The following TF variants were observed in gnomAD, a reference collection of about 807,000 sequenced individuals.
The protein encoded by TF is serotransferrin.
In TF, 55 loss-of-function variants were observed where a neutral mutation model predicts 82.4. The ratio of observed to expected loss-of-function variants is 0.67; its 90% confidence interval spans 0.54 to 0.84. The LOEUF is 0.84. Among genes scored for constraint, TF ranks in the 40% least tolerant of loss-of-function variants. The pLI, the probability that TF is intolerant of heterozygous loss-of-function variation, is 0.00. For synonymous variants in TF, 332 were observed against 332.6 expected (o/e 1.00, Z 0.02); for missense variants, 737 against 868.4 (o/e 0.85, Z 1.90).
chr3:133,744,420 G>A (rs1933451791), upstream of TF, among the ~76,000 whole-genome samples: 2 of 152,226 alleles, frequency 1.3e-5, no homozygotes, highest in South Asian at 2.1e-4. Context: ...TGCATCAGCT[G>A]TATGTGTGCA....
At chr3:133,679,569 C>CTTTTTTTTTTT in the TF span, among the ~76,000 whole-genome samples, 33 of 75,382 alleles carry the variant, frequency 4.4e-4, no homozygotes, top group East Asian at 1.4e-3. Context: ...CTTTGTTTGG[C>CTTTTTTTTTTT]TTTTTTTTTT....
the TF span, among the ~76,000 whole-genome samples, chr3:133,682,741 C>A: frequency 3.9e-5 from 4 of 103,078 alleles, no homozygotes; most frequent in Non-Finnish European, 7.6e-5. Flanking sequence ...GATTGGTGTA[C>A]CTGAAAGTGA....
chr3:133,723,975 G>A, the TF span, among the ~76,000 whole-genome samples: 2 of 152,102 alleles, frequency 1.3e-5, no homozygotes, highest in East Asian at 3.8e-4. Flanking sequence ...TCCCTACAAA[G>A]GACATGAACT....
chr3:133,681,333 G>A, the TF span, among the ~76,000 whole-genome samples: 1 of 152,190 alleles, frequency 6.6e-6, no homozygotes, highest in Non-Finnish European at 1.5e-5. Context: ...CATCTCACTG[G>A]GTCTTGTTGG....
At chr3:133,724,737 A>C in the TF span, among the ~76,000 whole-genome samples, 2 of 152,208 alleles carry the variant, frequency 1.3e-5, no homozygotes, top group Non-Finnish European at 2.9e-5. Flanking sequence ...GCCCATGCCT[A>C]TGTCCTGAAT....
the TF span, among the ~76,000 whole-genome samples, chr3:133,734,803 T>TA: frequency 1.4e-4 from 20 of 145,164 alleles, no homozygotes; most frequent in East Asian, 1.2e-3. Flanking sequence ...GAGAGTTTCT[T>TA]AAAAAAAAAA....
chr3:133,766,258 T>C lies in TF; in HGVS notation c.1331-20T>C. 2 of 1,613,866 alleles carry C rather than the reference T, an allele frequency of 1.2e-6. No individual in the cohort carries two copies. Among genetic ancestry groups the C allele is most frequent in the Non-Finnish European group, 1.7e-6 (2 of 1,179,762 alleles). ...GCCCCAGAGGTGTTAATACATCCTTTTCTGGTGTCTTTCTTGTAGGGTATT... is the reference window on the plus strand; with the variant it reads ...GCCCCAGAGGTGTTAATACATCCTTCTCTGGTGTCTTTCTTGTAGGGTATT... On this transcript the variant is annotated intron_variant, in intron 11 of 16. Transcript: ENST00000402696.
At chr3:133,674,257 A>G in the TF span, among the ~76,000 whole-genome samples, 1 of 152,162 alleles carries the variant, frequency 6.6e-6, no homozygotes, top group Admixed American at 6.5e-5. Context: ...TGCGTATAGC[A>G]ACTCACCTGG....
chr3:133,760,620 T>A (rs999674028), intron 9 of TF: 1 of 152,314 alleles, frequency 6.6e-6, no homozygotes, highest in Admixed American at 6.5e-5. Context: ...TGGGAACATG[T>A]GAAATCTTAA....
intron 13 of TF, among the ~76,000 whole-genome samples, 192 bp from the exon 14 acceptor site, chr3:133,770,316 A>T (rs968579526): frequency 6.6e-6 from 1 of 152,236 alleles, no homozygotes; most frequent in Admixed American, 6.5e-5. Context: ...TGGAACTGAG[A>T]TTGTAAAACT....
chr3:133,785,032 C>CCGGG lies in TF; in HGVS notation c.*6412_*6413insCGGG. The CCGGG allele has an allele frequency of 1.2e-5, 1 of 82,392 alleles. No homozygotes were observed. Among genetic ancestry groups the CCGGG allele is most frequent in the African/African-American group, 3.5e-5 (1 of 28,678 alleles). 5.1% of individuals were successfully genotyped at this position (82,392 alleles called of 1,614,324 possible). Reference sequence around the variant, plus strand: ...CCCCCCGCCCGGCCAGCCGCCCCGTCTGGGAGGTGAGGGGCGCCTCTGCCC... The same window carrying CCGGG: ...CCCCCCGCCCGGCCAGCCGCCCCGTCCGGGTGGGAGGTGAGGGGCGCCTCTGCCC... On this transcript the variant is annotated 3_prime_UTR_variant, in exon 17 of 17. Transcript: ENST00000402696.
upstream of TF, chr3:133,746,163 T>C (rs1377394392): frequency 5.4e-6 from 3 of 555,312 alleles, no homozygotes; most frequent in African/African-American, 1.9e-5. Flanking sequence ...TGACAATGGC[T>C]GCATTGTGCT....
At chr3:133,686,556 C>G in the TF span, among the ~76,000 whole-genome samples, 2 of 152,316 alleles carry the variant, frequency 1.3e-5, no homozygotes, top group East Asian at 3.9e-4. Context: ...ACAGACACGT[C>G]TCAAAAGAAG....
At chr3:133,756,177 C>G (rs1212601490) in intron 5 of TF, 105 bp from the exon 6 acceptor site, 2 of 1,126,134 alleles carry the variant, frequency 1.8e-6, no homozygotes, top group Admixed American at 1.9e-5. Context: ...GGGGCTGCAC[C>G]AGGCTCTATC....
chr3:133,761,689 A>C (rs542115795), intron 9 of TF: 1 of 152,368 alleles, frequency 6.6e-6, no homozygotes, highest in South Asian at 2.1e-4. Context: ...ACACATTTCA[A>C]AAGAGCATAG....
chr3:133,722,740 C>T, the TF span, among the ~76,000 whole-genome samples: 1 of 152,116 alleles, frequency 6.6e-6, no homozygotes, highest in African/African-American at 2.4e-5. Flanking sequence ...GTTCCTCAGC[C>T]ACTAATTGTA....
chr3:133,752,876 G>A (rs1289324852), intron 2 of TF, among the ~76,000 whole-genome samples: 1 of 152,110 alleles, frequency 6.6e-6, no homozygotes, highest in Non-Finnish European at 1.5e-5. Flanking sequence ...AGCAAAAATG[G>A]AAATAATAAT....
the TF span, among the ~76,000 whole-genome samples, chr3:133,685,747 T>A: frequency 6.6e-6 from 1 of 152,212 alleles, no homozygotes; most frequent in African/African-American, 2.4e-5. Context: ...ATAGGAAGAA[T>A]CAATTTCGTG....
intron 2 of TF, among the ~76,000 whole-genome samples, chr3:133,750,620 C>T (rs1933634075): frequency 6.6e-6 from 1 of 152,094 alleles, no homozygotes; most frequent in Non-Finnish European, 1.5e-5. Context: ...AGCTCTAGGG[C>T]TGGACGCTGT....
Sources: allele counts gnomAD v4.1 joint callset (sites outside exome capture counted in the v4.1 genomes callset), GRCh38; gene constraint gnomAD v4.1.1; transcripts MANE v1.5; gene names NCBI Gene and HGNC (gene_info 2026-07-23, HGNC 2026-07-21).